STXBP5L: variants seen among roughly 807,000 people sequenced by gnomAD.
STXBP5L encodes syntaxin binding protein 5L, also known as syntaxin-binding protein 5-like.
A neutral mutation model predicts 144.5 loss-of-function variants in STXBP5L; 65 were observed. The ratio of observed to expected loss-of-function variants is 0.45; its 90% CI spans 0.37 to 0.55. The LOEUF (loss-of-function observed/expected upper bound fraction) is 0.55. Ranked by LOEUF, STXBP5L falls within the 20% of genes least tolerant of loss-of-function variation. The pLI, the probability that STXBP5L is intolerant of heterozygous loss-of-function variation, is 0.00. For missense variants in STXBP5L, 1,298 were observed against 1,405.5 expected (o/e 0.92, Z 1.22); for synonymous variants, 505 against 469.6 (o/e 1.08, Z -0.97).
intron 5 of STXBP5L, among the ~76,000 whole-genome samples, chr3:121,086,864 A>G (rs989003863): frequency 7.9e-5 from 12 of 152,054 alleles, no homozygotes; most frequent in South Asian, 2.1e-4. Context: ...TACACTCTAT[A>G]TAAGAGCGAT....
At chr3:121,404,247 T>C (rs919298473) in intron 22 of STXBP5L, among the ~76,000 whole-genome samples, 4 of 152,058 alleles carry the variant, frequency 2.6e-5, no homozygotes, top group African/African-American at 4.8e-5. Context: ...CCATATTTCT[T>C]TCATACCCTA....
intron 5 of STXBP5L, among the ~76,000 whole-genome samples, chr3:121,067,684 A>T (rs2041610985): frequency 6.6e-6 from 1 of 152,152 alleles, no homozygotes; most frequent in Non-Finnish European, 1.5e-5. Flanking sequence ...TATTTGTTCT[A>T]TCTGATATTA....
intron 3 of STXBP5L, among the ~76,000 whole-genome samples, chr3:120,985,274 C>T (rs754949578): frequency 3.3e-5 from 5 of 151,936 alleles, no homozygotes; most frequent in Non-Finnish European, 5.9e-5. Context: ...AATTCCTCTG[C>T]GAAGCCATGG....
At chr3:121,315,045 A>G (rs2043732736) in intron 19 of STXBP5L, among the ~76,000 whole-genome samples, 1 of 152,164 alleles carries the variant, frequency 6.6e-6, no homozygotes. Flanking sequence ...TGGGACTGTA[A>G]ACTAGTTCAA....
chr3:121,162,902 G>A (rs4676711), intron 9 of STXBP5L, among the ~76,000 whole-genome samples: 21,138 of 152,014 alleles, frequency 0.14, 1,651 homozygotes, highest in South Asian at 0.27. Context: ...GAATGGCGAT[G>A]ATTAAAAGTC....
At chr3:121,098,339 T>C (rs1394547472) in intron 5 of STXBP5L, among the ~76,000 whole-genome samples, 1 of 152,082 alleles carries the variant, frequency 6.6e-6, no homozygotes, top group Non-Finnish European at 1.5e-5. Flanking sequence ...TATCATGTGG[T>C]TAGACAGGGA....
chr3:121,005,637 T>C (rs1018008476), intron 3 of STXBP5L, among the ~76,000 whole-genome samples: 3 of 152,202 alleles, frequency 2.0e-5, no homozygotes, highest in Non-Finnish European at 4.4e-5. Context: ...CTTTTAATTG[T>C]GATGTTAGGG....
chr3:121,240,816 C>G (rs1559896467), intron 14 of STXBP5L, among the ~76,000 whole-genome samples: 1 of 152,164 alleles, frequency 6.6e-6, no homozygotes, highest in East Asian at 1.9e-4. Flanking sequence ...AAACACTTAT[C>G]TATTTCTGCC....
chr3:121,369,732 G>T (rs2045972808), intron 20 of STXBP5L, among the ~76,000 whole-genome samples: 1 of 152,110 alleles, frequency 6.6e-6, no homozygotes, highest in South Asian at 2.1e-4. Context: ...GCTTCCTTTT[G>T]TAGGTGACCT....
chr3:121,360,561 T>C (rs1006675596), intron 20 of STXBP5L, among the ~76,000 whole-genome samples: 3 of 152,108 alleles, frequency 2.0e-5, no homozygotes, highest in Non-Finnish European at 2.9e-5. Context: ...TGTGTATTCA[T>C]TGTATGCTTT....
At chr3:121,066,277 T>C (rs1370004416) in intron 5 of STXBP5L, among the ~76,000 whole-genome samples, 1 of 152,050 alleles carries the variant, frequency 6.6e-6, no homozygotes, top group African/African-American at 2.4e-5. Flanking sequence ...ATTTCACCTT[T>C]AAGTGTGATA....
chr3:120,968,297 A>C (rs1481969595), intron 3 of STXBP5L, among the ~76,000 whole-genome samples: 1 of 152,164 alleles, frequency 6.6e-6, no homozygotes, highest in African/African-American at 2.4e-5. Context: ...TTGACTGCAT[A>C]TATCTTTATA....
intron 3 of STXBP5L, among the ~76,000 whole-genome samples, chr3:121,012,139 C>A (rs759775434): frequency 6.6e-6 from 1 of 151,604 alleles, no homozygotes; most frequent in Admixed American, 6.6e-5. Context: ...TGTATCAATA[C>A]TTGATTTTTT....
At chr3:120,914,881 T>TAA (rs1709028901) in intron 2 of STXBP5L, among the ~76,000 whole-genome samples, 1 of 152,112 alleles carries the variant, frequency 6.6e-6, no homozygotes, top group South Asian at 2.1e-4. Context: ...TTTTTTTCTT[T>TAA]TAAGAACCAG....
intron 3 of STXBP5L, among the ~76,000 whole-genome samples, chr3:121,020,463 G>A (rs759607963): frequency 7.2e-5 from 11 of 152,064 alleles, no homozygotes; most frequent in Admixed American, 1.3e-4. Context: ...CATAGTTATC[G>A]GTTATCTAAA....
chr3:121,361,478 TA>T (rs1560021118), intron 20 of STXBP5L, among the ~76,000 whole-genome samples: 1 of 152,110 alleles, frequency 6.6e-6, no homozygotes, highest in Admixed American at 6.5e-5. Flanking sequence ...CATTCTTTTT[TA>T]TTCTCTTTTC....
At chr3:121,234,888 C>T (rs890568844) in intron 12 of STXBP5L, among the ~76,000 whole-genome samples, 2 of 151,900 alleles carry the variant, frequency 1.3e-5, no homozygotes, top group East Asian at 1.9e-4. Context: ...GTACTCAACT[C>T]GTCTTTCTAC....
chr3:121,382,052 TGTAA>T (rs2046334875), intron 22 of STXBP5L, among the ~76,000 whole-genome samples: 5 of 152,130 alleles, frequency 3.3e-5, no homozygotes, highest in Admixed American at 2.0e-4. Flanking sequence ...TGACCAATGT[TGTAA>T]GTATTGTTGC....
chr3:121,012,529 C>T (rs1355991648), intron 3 of STXBP5L, among the ~76,000 whole-genome samples: 1 of 151,702 alleles, frequency 6.6e-6, no homozygotes, highest in Non-Finnish European at 1.5e-5. Flanking sequence ...ATCTTAGTGG[C>T]TGTAGAGTGG....
Sources: allele counts gnomAD v4.1 joint callset (sites outside exome capture counted in the v4.1 genomes callset), GRCh38; gene constraint gnomAD v4.1.1; transcripts MANE v1.5; gene names NCBI Gene and HGNC (gene_info 2026-07-23, HGNC 2026-07-21).